OTOF: variants seen among roughly 807,000 people sequenced by gnomAD.
OTOF encodes otoferlin, also known as fer-1-like family member 2.
OTOF carries 218 observed loss-of-function variants against 236.8 expected under a neutral mutation model. That is an observed-to-expected ratio of 0.92 (90% CI 0.82 to 1.03). OTOF has a LOEUF of 1.03. Among genes scored for constraint, OTOF ranks in the 50% least tolerant of loss-of-function variants. The pLI is 0.00. For synonymous variants in OTOF, 1,041 were observed against 1,072.5 expected (o/e 0.97, Z 0.57); for missense variants, 2,590 against 2,694.4 (o/e 0.96, Z 0.86).
intron 29 of OTOF, 129 bp from the exon 30 acceptor site, chr2:26,472,778 G>A (rs578214149): frequency 2.1e-6 from 2 of 949,332 alleles, no homozygotes; most frequent in African/African-American, 1.6e-5. Flanking sequence ...GGGACAGGCA[G>A]TCAAGGGAGA....
At chr2:26,509,190 ACAGGCTGCT>A (rs1666321941) in intron 5 of OTOF, among the ~76,000 whole-genome samples, 1 of 152,204 alleles carries the variant, frequency 6.6e-6, no homozygotes, top group Non-Finnish European at 1.5e-5. Context: ...CTGGGGATGG[ACAGGCTGCT>A]TGTATCTCAT....
chr2:26,462,008 C>G lies in OTOF; in HGVS notation c.5292-71G>C. On this transcript the variant is annotated intron_variant, in intron 42 of 46. Transcript: ENST00000272371. The surrounding 1 kb of genome is among the most constrained non-coding windows in gnomAD (Gnocchi z 4.7). ...TCTCCCACCCACAGCCACCTTCCCT[C>G]TGCCTCCTCTCCTGCCCCCCGGGAA... 1.2e-6 allele frequency: 2 copies of G among 1,613,170 alleles called. No homozygotes were observed. The highest frequency in any genetic ancestry group is 8.5e-7 in the Non-Finnish European group (1 of 1,179,642).
intron 5 of OTOF, among the ~76,000 whole-genome samples, chr2:26,504,569 T>TTA (rs1415762534): frequency 6.6e-6 from 1 of 152,186 alleles, no homozygotes; most frequent in African/African-American, 2.4e-5. Context: ...CCCCAGGAAC[T>TTA]TATGGCAGGC....
intron 6 of OTOF, among the ~76,000 whole-genome samples, chr2:26,503,190 C>T (rs1666162438): frequency 6.6e-6 from 1 of 152,212 alleles, no homozygotes; most frequent in African/African-American, 2.4e-5. Flanking sequence ...CCCCTCCCAG[C>T]TCCCCTGTCC....
chr2:26,532,092 C>CAAAAAAAAAAAAAAAAAAAAA (rs150580671), intron 2 of OTOF, among the ~76,000 whole-genome samples: 6 of 80,198 alleles, frequency 7.5e-5, no homozygotes, highest in African/African-American at 3.2e-4. Flanking sequence ...GACTCCACCT[C>CAAAAAAAAAAAAAAAAAAAAA]AAAAAAAAAA....
At chr2:26,500,177 G>A (rs1045829804) in intron 8 of OTOF, among the ~76,000 whole-genome samples, 1 of 152,166 alleles carries the variant, frequency 6.6e-6, no homozygotes. Context: ...CTCTAACCTT[G>A]GCTAACTTAG....
At position 26,480,861 on chromosome 2, in the gene OTOF, C is replaced by G. The variant is rs1269951303; in HGVS notation, c.1728G>C (p.Glu576Asp). The G allele has an allele frequency of 6.2e-7, 1 of 1,612,998 alleles. No homozygotes were observed. Among genetic ancestry groups the G allele is most frequent in the Non-Finnish European group, 8.5e-7 (1 of 1,179,998 alleles). ...GCTCAGGGTTGGAGGTGTCTACGAT[C>G]TCCACAGCCAGGCCCAGCAGGAGCC... ...RARLLLGLAV[E>D]IVDTSNPELT... The change falls in exon 15 of 47, where the codon GAG (glutamate) becomes GAC (aspartate). Residue 576 changes from glutamate to aspartate, a missense_variant. This residue lies in a region of OTOF where 1,379 missense variants were observed against 1,341.6 expected (regional missense o/e 1.03). Coordinates refer to ENST00000272371, the MANE Select transcript of OTOF (RefSeq NM_194248.3).
chr2:26,479,168 C>A, intron 18 of OTOF, 96 bp downstream of exon 18: 1 of 1,509,308 alleles, frequency 6.6e-7, no homozygotes. Context: ...CTGCAGCCCC[C>A]TGGGCAGACC....
chr2:26,465,143 G>C, intron 38 of OTOF, 114 bp from the exon 39 acceptor site: 1 of 893,038 alleles, frequency 1.1e-6, no homozygotes, highest in Non-Finnish European at 1.6e-6. Context: ...CAGCAAGTGA[G>C]CCTGATTCCT....
rs150580671 is a variant in OTOF at position 26,532,092 on chromosome 2, C to CAAAAAAAAAAAAAAAA, written c.139-4188_139-4173dup. 2.9e-4 allele frequency among the ~76,000 whole-genome samples: 23 copies of CAAAAAAAAAAAAAAAA among 80,194 alleles called. 1 individual carries two copies. The highest frequency in any genetic ancestry group is 1.3e-3 in the African/African-American group (21 of 15,818). 52.6% of individuals were successfully genotyped at this position (80,194 alleles called of 152,430 possible). On this transcript the variant is annotated intron_variant, in intron 2 of 46. Transcript: ENST00000272371. ...TGGGTGACAGAGTAAGACTCCACCT[C>CAAAAAAAAAAAAAAAA]AAAAAAAAAAAAAAAAAAAAAAAGA...
chr2:26,510,738 T>G, intron 5 of OTOF: 1 of 1,289,316 alleles, frequency 7.8e-7, no homozygotes, highest in Non-Finnish European at 1.0e-6. Flanking sequence ...CTTGGTCTTC[T>G]CTCTGCCTTT....
rs775983588 is a variant in OTOF at position 26,477,054 on chromosome 2, G to T, written c.2524-11C>A. 3.9e-6 allele frequency: 6 copies of T among 1,553,574 alleles called. No individual in the cohort carries two copies. The highest frequency in any genetic ancestry group is 1.2e-5 in the South Asian group (1 of 85,594). On this transcript the variant is annotated splice_polypyrimidine_tract_variant and intron_variant, in intron 21 of 46. Coordinates refer to ENST00000272371, the MANE Select transcript of OTOF (RefSeq NM_194248.3). This position sits in a 1 kb window ranked among gnomAD's most constrained non-coding sequence, Gnocchi z 4.7. ...AATGCTGTGCTGGGGCTGGGGGTTG[G>T]GGGGTGGCCAGGGGCAGTGGGTAAG...
chr2:26,498,068 T>A (rs772501412), intron 8 of OTOF, among the ~76,000 whole-genome samples: 10 of 152,240 alleles, frequency 6.6e-5, no homozygotes, highest in Non-Finnish European at 1.3e-4. Context: ...CAGCAGCAAG[T>A]CCTCTTCCCA....
chr2:26,520,816 C>T (rs1482746192), intron 3 of OTOF, among the ~76,000 whole-genome samples: 1 of 152,220 alleles, frequency 6.6e-6, no homozygotes, highest in Non-Finnish European at 1.5e-5. Flanking sequence ...AAAATACACT[C>T]ATCTTTTTGC....
intron 41 of OTOF, among the ~76,000 whole-genome samples, chr2:26,463,106 G>A (rs1364368921): frequency 2.0e-5 from 3 of 152,286 alleles, no homozygotes; most frequent in Admixed American, 1.3e-4. Flanking sequence ...GTGCGTCAGT[G>A]TGGGCATGTG....
chr2:26,493,199 C>G (rs1186055828), intron 9 of OTOF, among the ~76,000 whole-genome samples: 2 of 152,114 alleles, frequency 1.3e-5, no homozygotes, highest in Admixed American at 6.5e-5. Context: ...GGGAAAGCAG[C>G]TGGGAGAGCA....
chr2:26,469,580 C>T (rs1188598484), intron 32 of OTOF, among the ~76,000 whole-genome samples: 2 of 152,188 alleles, frequency 1.3e-5, no homozygotes, highest in East Asian at 3.9e-4. Flanking sequence ...TGCCTCATCT[C>T]CTCTTTAACC....
intron 9 of OTOF, among the ~76,000 whole-genome samples, chr2:26,492,415 C>T (rs936459758): frequency 6.6e-6 from 1 of 152,114 alleles, no homozygotes; most frequent in African/African-American, 2.4e-5. Flanking sequence ...TGAAAAAGAA[C>T]AAAAATGTGA....
In OTOF at chr2:26,477,136, C is replaced by A. The variant is rs779134729; in HGVS notation, c.2523+36G>T. On this transcript the variant is annotated intron_variant, in intron 21 of 46. Coordinates refer to ENST00000272371, the MANE Select transcript of OTOF (RefSeq NM_194248.3). The surrounding 1 kb of genome is among the most constrained non-coding windows in gnomAD (Gnocchi z 4.7). Reference sequence around the variant, plus strand: ...CCTGAGGGGCCCCAGAGAGCCAGCCCTGGATGAGGCAAAGCCCCGACCCCT... The same window carrying A: ...CCTGAGGGGCCCCAGAGAGCCAGCCATGGATGAGGCAAAGCCCCGACCCCT... 3 of 1,596,492 alleles carry A rather than the reference C, an allele frequency of 1.9e-6. No homozygotes were observed. The highest frequency in any genetic ancestry group is 3.4e-5 in the Admixed American group (2 of 59,628).
Sources: gnomAD v4.1 joint callset for allele counts (sites outside exome capture counted in the v4.1 genomes callset) on GRCh38, gnomAD v4.1.1 for gene constraint, gnomAD v4.1.1 regional missense constraint, Gnocchi (gnomAD v3.1) non-coding constraint, MANE v1.5 for transcripts, NCBI Gene and HGNC (gene_info 2026-07-23, HGNC 2026-07-21) for gene names.